PXDN: variants seen among roughly 807,000 people sequenced by gnomAD.
PXDN encodes peroxidasin, also known as peroxidasin homolog.
A neutral mutation model predicts 140.3 loss-of-function variants in PXDN; 77 were observed. That is an observed-to-expected ratio of 0.55 (90% CI 0.46 to 0.66). The LOEUF is 0.66. Among genes scored for constraint, PXDN ranks in the 30% least tolerant of loss-of-function variants. The pLI, the probability that PXDN is intolerant of heterozygous loss-of-function variation, is 0.00. For synonymous variants in PXDN, 911 were observed against 857.4 expected, an observed-to-expected ratio of 1.06 and a Z score of -1.09; for missense variants, 1,838 against 2,039.5, an observed-to-expected ratio of 0.90 and a Z score of 1.90.
chr2:1,680,772 C>T (rs1020691602), intron 6 of PXDN, among the ~76,000 whole-genome samples: 4 of 152,188 alleles, frequency 2.6e-5, no homozygotes, highest in Non-Finnish European at 4.4e-5. Flanking sequence ...ACAAAACCAC[C>T]ACTGTCACTC....
chr2:1,637,370 G>A (rs551688223), intron 21 of PXDN, among the ~76,000 whole-genome samples: 2 of 151,938 alleles, frequency 1.3e-5, no homozygotes, highest in South Asian at 4.1e-4. Flanking sequence ...TGGTCTCTAG[G>A]CTGCGGAGGG....
intron 1 of PXDN, among the ~76,000 whole-genome samples, chr2:1,707,880 G>C (rs951819300): frequency 2.6e-5 from 4 of 151,926 alleles, no homozygotes; most frequent in African/African-American, 9.7e-5. Context: ...TAGGATCTAC[G>C]TTTTACCACA....
chr2:1,708,634 C>T lies in PXDN; in HGVS notation c.201-15500G>A, dbSNP rs560137918. Among the ~76,000 whole-genome samples the T allele has an allele frequency of 3.9e-5, 6 of 152,248 alleles. 1 individual carries two copies. In the South Asian group the frequency reaches 1.2e-3, roughly 32 times the overall value. On this transcript the variant is annotated intron_variant, in intron 1 of 22. Coordinates refer to ENST00000252804, the MANE Select transcript of PXDN (RefSeq NM_012293.3). ...CGCACCCAGAACCCCCGACTCGCCC[C>T]GCAAGGAAGAAACAGTGAGAGCTCC...
At chr2:1,698,137 C>A (rs139646961) in intron 1 of PXDN, among the ~76,000 whole-genome samples, 199 of 152,284 alleles carry the variant, frequency 1.3e-3, no homozygotes, top group African/African-American at 4.4e-3. Context: ...CATAAAGCAC[C>A]AATGACAGTA....
At chr2:1,678,773 T>C (rs1683791335) in intron 7 of PXDN, among the ~76,000 whole-genome samples, 1 of 152,162 alleles carries the variant, frequency 6.6e-6, no homozygotes, top group Non-Finnish European at 1.5e-5. Context: ...CTGAGGGCCG[T>C]TTCTGGGAGC....
intron 19 of PXDN, among the ~76,000 whole-genome samples, chr2:1,641,098 C>T (rs112833259): frequency 0.014 from 2,104 of 152,328 alleles, 38 homozygotes; most frequent in African/African-American, 0.047. Flanking sequence ...TAGGCATCAA[C>T]GAAGCAAATG....
At chr2:1,702,636 T>G (rs558324760) in intron 1 of PXDN, among the ~76,000 whole-genome samples, 71 of 152,218 alleles carry the variant, frequency 4.7e-4, no homozygotes, top group African/African-American at 1.3e-3. Flanking sequence ...CTTTTGGTTT[T>G]GTTTTGTTTT....
rs761415955 is a variant in PXDN, at chr2:1,649,629, G to A, written c.2151C>T (p.Ile717=). 32 of 1,613,880 alleles carry A rather than the reference G, an allele frequency of 2.0e-5. No homozygotes were observed. The African/African-American group carries it at 2.9e-4, about 15-fold the overall frequency. The change falls in exon 17 of 23, where the codon ATC becomes ATT. Residue 717 remains isoleucine, a synonymous_variant. Coordinates refer to ENST00000252804, the MANE Select transcript of PXDN (RefSeq NM_012293.3). This position sits in a 1 kb window ranked among gnomAD's most constrained non-coding sequence, Gnocchi z 7.1. ...GGGCGGTACAGCCCGACAGGTTTGC[G>A]ATGAGGTTCAGGTACTGTGGAGACA... ...DLVSPQYLNL[I]ANLSGCTAHR...
intron 1 of PXDN, among the ~76,000 whole-genome samples, chr2:1,722,576 C>T (rs1278028826): frequency 6.6e-6 from 1 of 152,204 alleles, no homozygotes; most frequent in Non-Finnish European, 1.5e-5. Context: ...AGGAACTTCC[C>T]AGCAAAGGAG....
At chr2:1,657,544 C>T (rs1406863259) in intron 14 of PXDN, among the ~76,000 whole-genome samples, 8 of 151,196 alleles carry the variant, frequency 5.3e-5, no homozygotes, top group South Asian at 2.1e-4. Flanking sequence ...CCTGCCCTCT[C>T]GTGACAGACA....
intron 21 of PXDN, among the ~76,000 whole-genome samples, chr2:1,638,200 G>A (rs963198933): frequency 6.6e-6 from 1 of 152,126 alleles, no homozygotes; most frequent in Non-Finnish European, 1.5e-5. Flanking sequence ...CCACACCAGC[G>A]GAGTGAGCGC....
intron 1 of PXDN, among the ~76,000 whole-genome samples, chr2:1,737,927 A>G (rs10199320): frequency 0.72 from 109,369 of 152,092 alleles, 39,643 homozygotes; most frequent in East Asian, 0.95. Flanking sequence ...TCAACCAGTT[A>G]TATTACTTTA....
In PXDN at chr2:1,634,247, C is replaced by G. The variant is rs1243911351; in HGVS notation, c.4397G>C (p.Cys1466Ser). Residue 1466 changes from cysteine (C) to serine (S), a missense_variant, in exon 23 of 23, where the codon TGC (cysteine) becomes TCC (serine). Transcript: ENST00000252804. ...CCTCTTCTGTAAGCAGACTGGACAG[C>G]AGGCCCCTGGGATGTTCACGGGGAC... ...CAVPVNIPGA[C>S]CPVCLQKRAE... The G allele has an allele frequency of 1.2e-6, 2 of 1,606,320 alleles. No homozygotes were observed. Among genetic ancestry groups the G allele is most frequent in the Non-Finnish European group, 1.7e-6 (2 of 1,176,736 alleles).
intron 2 of PXDN, chr2:1,692,624 G>C: frequency 2.1e-6 from 1 of 472,668 alleles, no homozygotes; most frequent in South Asian, 1.5e-5. Flanking sequence ...CGCTGGACTT[G>C]GCCCTGCCTG....
chr2:1,690,522 TA>T (rs1404435814), intron 3 of PXDN, among the ~76,000 whole-genome samples: 1 of 151,780 alleles, frequency 6.6e-6, no homozygotes, highest in Non-Finnish European at 1.5e-5. Flanking sequence ...AATAAAATAT[TA>T]AAAAACCTGT....
chr2:1,688,426 A>C (rs7600118), intron 3 of PXDN, among the ~76,000 whole-genome samples: 45,283 of 152,134 alleles, frequency 0.3, 7,177 homozygotes, highest in African/African-American at 0.39. Flanking sequence ...CTCACAGAGG[A>C]CTGGTCCTGC....
chr2:1,700,833 C>G (rs1302914539), intron 1 of PXDN, among the ~76,000 whole-genome samples: 1 of 152,120 alleles, frequency 6.6e-6, no homozygotes, highest in African/African-American at 2.4e-5. Context: ...TGAGATGGAG[C>G]CACTACACTC....
At chr2:1,742,986 A>G (rs1463575163) in intron 1 of PXDN, among the ~76,000 whole-genome samples, 1 of 152,234 alleles carries the variant, frequency 6.6e-6, no homozygotes, top group East Asian at 1.9e-4. Context: ...GGTGCCAAAA[A>G]GTCCTCTGGC....
At chr2:1,642,325 C>T (rs1682747415) in intron 19 of PXDN, among the ~76,000 whole-genome samples, 1 of 152,166 alleles carries the variant, frequency 6.6e-6, no homozygotes, top group South Asian at 2.1e-4. Context: ...ATTATCAGTG[C>T]AGATTTCAAC....
Sources: allele counts gnomAD v4.1 joint callset (sites outside exome capture counted in the v4.1 genomes callset), GRCh38; gene constraint gnomAD v4.1.1; non-coding constraint Gnocchi (gnomAD v3.1); transcripts MANE v1.5; gene names NCBI Gene and HGNC (gene_info 2026-07-23, HGNC 2026-07-21).